The following CHRM5 variants were observed in gnomAD, a reference collection of about 807,000 sequenced individuals.
CHRM5 encodes the protein cholinergic receptor muscarinic 5.
CHRM5 carries 18 observed loss-of-function variants against 39.0 expected under a neutral mutation model. The observed-to-expected ratio is 0.46, with a 90% CI of 0.32 to 0.68. The LOEUF (loss-of-function observed/expected upper bound fraction) is 0.68. CHRM5 is among the 30% of genes least tolerant of loss of function. The pLI is 0.04. For synonymous variants in CHRM5, 241 were observed against 246.3 expected, an observed-to-expected ratio of 0.98 and a Z score of 0.20; for missense variants, 515 against 651.1, an observed-to-expected ratio of 0.79 and a Z score of 2.28.
chr15:34,044,754 G>A (rs1021800770), intron 1 of CHRM5, among the ~76,000 whole-genome samples: 7 of 152,110 alleles, frequency 4.6e-5, no homozygotes, highest in African/African-American at 1.4e-4. Context: ...CTGTCCTATA[G>A]CAATACAGTA....
chr15:34,024,117 T>C (rs1329796094), intron 1 of CHRM5, among the ~76,000 whole-genome samples: 1 of 152,110 alleles, frequency 6.6e-6, no homozygotes, highest in Non-Finnish European at 1.5e-5. Context: ...ACAACAAATA[T>C]CTACTGAGAG....
At chr15:33,980,105 G>GC (rs1430043799) in intron 1 of CHRM5, among the ~76,000 whole-genome samples, 1 of 152,214 alleles carries the variant, frequency 6.6e-6, no homozygotes, top group East Asian at 1.9e-4. Context: ...TTATCTCATA[G>GC]TAAACTAGTA....
intron 1 of CHRM5, among the ~76,000 whole-genome samples, chr15:34,028,707 A>C (rs955200385): frequency 6.6e-6 from 1 of 152,158 alleles, no homozygotes; most frequent in Non-Finnish European, 1.5e-5. Flanking sequence ...AGATATCCTT[A>C]ATCACCTTTC....
intron 1 of CHRM5, among the ~76,000 whole-genome samples, chr15:34,044,594 T>A (rs992397350): frequency 1.3e-5 from 2 of 152,152 alleles, no homozygotes; most frequent in Non-Finnish European, 2.9e-5. Context: ...ATGGTAATAT[T>A]TTCCCAGTAC....
At chr15:34,021,851 A>C (rs966511034) in intron 1 of CHRM5, among the ~76,000 whole-genome samples, 3 of 152,040 alleles carry the variant, frequency 2.0e-5, no homozygotes, top group Non-Finnish European at 4.4e-5. Context: ...GCAAGACTCC[A>C]TCTCAAAAAT....
chr15:33,970,697 T>C (rs1205431228), intron 1 of CHRM5, among the ~76,000 whole-genome samples: 1 of 152,004 alleles, frequency 6.6e-6, no homozygotes, highest in Non-Finnish European at 1.5e-5. Flanking sequence ...GACAAAAGTA[T>C]GAAATTTCTA....
intron 1 of CHRM5, among the ~76,000 whole-genome samples, chr15:34,012,871 T>C (rs1897693727): frequency 6.6e-6 from 1 of 152,264 alleles, no homozygotes; most frequent in Non-Finnish European, 1.5e-5. Context: ...TCTGGGGTTA[T>C]GTTTACTCTT....
At chr15:34,032,364 CAAT>C (rs1898895209) in intron 1 of CHRM5, among the ~76,000 whole-genome samples, 1 of 152,234 alleles carries the variant, frequency 6.6e-6, no homozygotes, top group East Asian at 1.9e-4. Flanking sequence ...AGAAAACCAA[CAAT>C]GACTTAGTAC....
At chr15:34,006,242 C>T (rs569497236) in intron 1 of CHRM5, among the ~76,000 whole-genome samples, 7 of 150,928 alleles carry the variant, frequency 4.6e-5, no homozygotes, top group Admixed American at 6.6e-5. Context: ...ATCCAGGAGG[C>T]GGAGTTTGCA....
chr15:34,009,782 A>C (rs555533337), intron 1 of CHRM5, among the ~76,000 whole-genome samples: 1 of 152,222 alleles, frequency 6.6e-6, no homozygotes, highest in East Asian at 1.9e-4. Context: ...TGAGGCCAGG[A>C]GTTTGAGATC....
At chr15:33,986,535 A>G (rs1228214752) in intron 1 of CHRM5, among the ~76,000 whole-genome samples, 1 of 152,164 alleles carries the variant, frequency 6.6e-6, no homozygotes, top group East Asian at 1.9e-4. Flanking sequence ...TAAAGAAAGC[A>G]AGCTTTCTGA....
At chr15:33,981,197 T>C (rs952699826) in intron 1 of CHRM5, among the ~76,000 whole-genome samples, 1 of 152,224 alleles carries the variant, frequency 6.6e-6, no homozygotes, top group Admixed American at 6.5e-5. Context: ...AGCGATGCCT[T>C]ATCAATTTTC....
chr15:34,064,017 C>T lies in CHRM5; in HGVS notation c.1300C>T (p.Leu434=), dbSNP rs2576302. The T allele has an allele frequency of 1.2e-6, 2 of 1,614,198 alleles. No homozygotes were observed. The highest frequency in any genetic ancestry group is 1.7e-6 in the Non-Finnish European group (2 of 1,180,030). ...HQMTKRKRVV[L]VKERKAAQTL... is the part of the protein sequence containing the mutation. ...AATGACCAAACGAAAGAGAGTGGTC[C>T]TAGTCAAAGAGAGGAAAGCAGCCCA... The change falls in exon 3 of 3, where the codon CTA becomes TTA. Residue 434 remains leucine, a synonymous_variant. Coordinates refer to ENST00000383263, the MANE Select transcript of CHRM5 (RefSeq NM_012125.4).
chr15:34,040,221 G>A (rs74007670), intron 1 of CHRM5, among the ~76,000 whole-genome samples: 3,192 of 152,098 alleles, frequency 0.021, 109 homozygotes, highest in African/African-American at 0.071. Context: ...CCACAAGGAA[G>A]ATAATCTAGT....
chr15:33,984,369 G>A (rs6495421), intron 1 of CHRM5, among the ~76,000 whole-genome samples: 65,704 of 151,394 alleles, frequency 0.43, 14,973 homozygotes, highest in African/African-American at 0.56. Flanking sequence ...TGCAAACTCA[G>A]TCACTTTCCT....
At chr15:34,033,905 A>T (rs1597374740) in intron 1 of CHRM5, among the ~76,000 whole-genome samples, 1 of 152,236 alleles carries the variant, frequency 6.6e-6, no homozygotes, top group East Asian at 1.9e-4. Flanking sequence ...CTCCCGCCTC[A>T]GCCTCCCAAG....
chr15:34,003,240 A>G, intron 1 of CHRM5: 5 of 1,607,764 alleles, frequency 3.1e-6, no homozygotes, highest in Non-Finnish European at 4.2e-6. Context: ...TCAATAAGTA[A>G]GCAGTGGAAA....
intron 1 of CHRM5, among the ~76,000 whole-genome samples, chr15:33,974,437 C>A (rs1434443716): frequency 6.6e-6 from 1 of 152,106 alleles, no homozygotes; most frequent in Admixed American, 6.6e-5. Context: ...ATACAATATA[C>A]CAACAATGGT....
At chr15:34,039,016 G>T in intron 1 of CHRM5, 1 of 1,120,846 alleles carries the variant, frequency 8.9e-7, no homozygotes, top group Non-Finnish European at 1.1e-6. Context: ...CGCCGCCCAC[G>T]GCCTCCCCGA....
Sources: allele counts gnomAD v4.1 joint callset (sites outside exome capture counted in the v4.1 genomes callset), GRCh38; gene constraint gnomAD v4.1.1; transcripts MANE v1.5; gene names NCBI Gene and HGNC (gene_info 2026-07-23, HGNC 2026-07-21).